PDK1: variants seen among roughly 807,000 people sequenced by gnomAD.
PDK1 encodes [Pyruvate dehydrogenase (acetyl-transferring)] kinase isozyme 1, mitochondrial.
A neutral mutation model predicts 54.2 loss-of-function variants in PDK1; 39 were observed. That is an observed-to-expected ratio of 0.72 (90% CI 0.56 to 0.94). The LOEUF (loss-of-function observed/expected upper bound fraction) is 0.94. PDK1 is among the 40% of genes least tolerant of loss of function. The pLI, the probability that PDK1 is intolerant of heterozygous loss-of-function variation, is 0.00. For synonymous variants in PDK1, 221 were observed against 207.1 expected (o/e 1.07, Z -0.58); for missense variants, 552 against 566.0 (o/e 0.98, Z 0.25).
chr2:172,577,307 T>G (rs1002309952), intron 8 of PDK1, among the ~76,000 whole-genome samples: 6 of 152,148 alleles, frequency 3.9e-5, no homozygotes, highest in African/African-American at 9.7e-5. Context: ...TTCCAGACTT[T>G]TAGTTTAAAC....
At chr2:172,640,181 G>T in the PDK1 span, among the ~76,000 whole-genome samples, 15 of 152,294 alleles carry the variant, frequency 9.8e-5, no homozygotes, top group South Asian at 6.2e-4. Context: ...TATCCTGTTT[G>T]ATTTTCCCCT....
chr2:172,601,305 C>T lies in PDK1; in HGVS notation c.*5336C>T, dbSNP rs112216098. ...TAGCAAAACAGCACTGCTAAAGTTACGGGTTTATTTTAAAGTTTAAAATAG... is the reference window on the plus strand; with the variant it reads ...TAGCAAAACAGCACTGCTAAAGTTATGGGTTTATTTTAAAGTTTAAAATAG... On this transcript the variant is annotated 3_prime_UTR_variant, in exon 11 of 11. Coordinates refer to ENST00000282077, the MANE Select transcript of PDK1 (RefSeq NM_002610.5). 2.0e-5 allele frequency: 3 copies of T among 152,038 alleles called. No individual in the cohort carries two copies. The highest frequency in any genetic ancestry group is 2.9e-5 in the Non-Finnish European group (2 of 68,006). The allele number at this position is 152,038 out of a possible 1,614,324, so 9.4% of individuals were successfully genotyped here. A position where few individuals can be genotyped will look rare whatever the true frequency, so the allele number is the denominator to read the frequency against.
At chr2:172,620,773 G>A in the PDK1 span, among the ~76,000 whole-genome samples, 4 of 152,144 alleles carry the variant, frequency 2.6e-5, no homozygotes, top group East Asian at 7.7e-4. Context: ...ACCATGTGAA[G>A]TGCCTGCTCT....
the PDK1 span, among the ~76,000 whole-genome samples, chr2:172,631,605 G>A: frequency 6.6e-6 from 1 of 152,186 alleles, no homozygotes; most frequent in African/African-American, 2.4e-5. Context: ...TGTTTCCTGA[G>A]TAAAAAGATC....
chr2:172,584,704 G>C (rs1690114228), intron 8 of PDK1, among the ~76,000 whole-genome samples: 1 of 148,296 alleles, frequency 6.7e-6, no homozygotes, highest in South Asian at 2.1e-4. Flanking sequence ...ACCCAGGTTG[G>C]AGTACAGTGG....
At chr2:172,555,842 G>C, upstream of PDK1, 1 of 265,502 alleles carries the variant, frequency 3.8e-6, no homozygotes, top group Non-Finnish European at 7.1e-6. Context: ...ACACCTCGCC[G>C]GCTGGGGCGG....
intron 10 of PDK1, among the ~76,000 whole-genome samples, chr2:172,595,378 G>GT (rs1001888962): frequency 1.8e-4 from 27 of 151,836 alleles, no homozygotes; most frequent in African/African-American, 6.1e-4. Flanking sequence ...CTTGTGATGA[G>GT]TTTTTTTTAA....
chr2:172,660,243 C>CTTTTTTTT, the PDK1 span, among the ~76,000 whole-genome samples: 4 of 34,236 alleles, frequency 1.2e-4, no homozygotes, highest in Admixed American at 3.1e-4. Context: ...CTCTCTCTCT[C>CTTTTTTTT]TCTCTTTTTT....
chr2:172,576,243 T>C (rs1490622672), intron 8 of PDK1, among the ~76,000 whole-genome samples: 1 of 152,204 alleles, frequency 6.6e-6, no homozygotes, highest in Non-Finnish European at 1.5e-5. Context: ...TGTGTTTTTA[T>C]AGGAATTTGT....
chr2:172,589,407 G>C (rs898477722), intron 9 of PDK1, among the ~76,000 whole-genome samples: 1 of 152,198 alleles, frequency 6.6e-6, no homozygotes, highest in Non-Finnish European at 1.5e-5. Context: ...AAAGTTAGCA[G>C]AACCCAGAGG....
Position 172,607,085 on chromosome 2 carries a change from A to G in PDK1, c.*11116A>G, listed in dbSNP as rs1047601407. ...TGTCTTCAAAGGAATGTTTTAAACC[A>G]GCCAAAGACTAACATCAACATGCTT... On this transcript the variant is annotated 3_prime_UTR_variant, in exon 11 of 11. Coordinates refer to ENST00000282077, the MANE Select transcript of PDK1 (RefSeq NM_002610.5). 3.9e-5 allele frequency: 6 copies of G among 152,372 alleles called. No homozygotes were observed. Among genetic ancestry groups the G allele is most frequent in the Admixed American group, 6.5e-5 (1 of 15,306 alleles). The allele number at this position is 152,372 out of a possible 1,614,324, so 9.4% of individuals were successfully genotyped here.
At chr2:172,562,773 G>A in intron 3 of PDK1, 1 of 1,610,146 alleles carries the variant, frequency 6.2e-7, no homozygotes, top group Admixed American at 1.7e-5. Flanking sequence ...CAGGTCTCTA[G>A]TTTATGCTGT....
chr2:172,636,341 A>G, the PDK1 span, among the ~76,000 whole-genome samples: 129,380 of 152,120 alleles, frequency 0.85, 55,455 homozygotes, highest in Non-Finnish European at 0.92. Context: ...GGGAGCCCAC[A>G]TTACATGGTG....
the PDK1 span, among the ~76,000 whole-genome samples, chr2:172,638,761 C>T: frequency 1.3e-5 from 2 of 152,088 alleles, no homozygotes; most frequent in Admixed American, 6.5e-5. Flanking sequence ...ACTTGGAGAA[C>T]TTTTGTGTCT....
the PDK1 span, among the ~76,000 whole-genome samples, chr2:172,637,575 G>A: frequency 6.6e-6 from 1 of 152,066 alleles, no homozygotes; most frequent in Non-Finnish European, 1.5e-5. Flanking sequence ...CCACTTTTCT[G>A]TAGATTTACA....
chr2:172,698,288 C>T, the PDK1 span, among the ~76,000 whole-genome samples: 5 of 152,122 alleles, frequency 3.3e-5, no homozygotes, highest in African/African-American at 1.2e-4. Context: ...CCTTTCTCTC[C>T]ACCAAGAATC....
At chr2:172,679,693 G>T in the PDK1 span, among the ~76,000 whole-genome samples, 4 of 151,878 alleles carry the variant, frequency 2.6e-5, no homozygotes, top group African/African-American at 9.7e-5. Flanking sequence ...GTAGCTTATT[G>T]TATATTAACA....
chr2:172,557,332 G>A (rs1208275450), intron 1 of PDK1, among the ~76,000 whole-genome samples: 1 of 152,110 alleles, frequency 6.6e-6, no homozygotes, highest in African/African-American at 2.4e-5. Flanking sequence ...TTTTGCTAAC[G>A]TTTTCTCTTC....
chr2:172,650,126 T>C, the PDK1 span, among the ~76,000 whole-genome samples: 4 of 152,188 alleles, frequency 2.6e-5, no homozygotes, highest in Non-Finnish European at 5.9e-5. Context: ...CCCATCAGAC[T>C]AACAGCGGAT....
Sources: allele counts gnomAD v4.1 joint callset (sites outside exome capture counted in the v4.1 genomes callset), GRCh38; gene constraint gnomAD v4.1.1; transcripts MANE v1.5; gene names NCBI Gene and HGNC (gene_info 2026-07-23, HGNC 2026-07-21).